The following TTC28 variants were observed in gnomAD, a reference collection of about 807,000 sequenced individuals.
TTC28 encodes tetratricopeptide repeat domain 28, also known as tetratricopeptide repeat protein 28.
Under a neutral mutation model 198.0 loss-of-function variants are expected in TTC28, and 61 were observed. That is an observed-to-expected ratio of 0.31 (90% confidence interval 0.25 to 0.38). TTC28 has a LOEUF of 0.38. Ranked by LOEUF, TTC28 falls within the 10% of genes least tolerant of loss-of-function variation. The pLI, the probability that TTC28 is intolerant of heterozygous loss-of-function variation, is 1.00. For missense variants in TTC28, 2,678 were observed against 3,164.0 expected (o/e 0.85, Z 3.69); for synonymous variants, 1,171 against 1,297.8 (o/e 0.90, Z 2.10).
intron 5 of TTC28, among the ~76,000 whole-genome samples, chr22:28,198,748 A>G (rs1487490000): frequency 6.6e-6 from 1 of 152,132 alleles, no homozygotes; most frequent in Non-Finnish European, 1.5e-5. Context: ...GAGCTCTGCC[A>G]TATTTATTTG....
chr22:28,604,451 T>C (rs928605940), intron 2 of TTC28, among the ~76,000 whole-genome samples: 1 of 151,348 alleles, frequency 6.6e-6, no homozygotes, highest in Non-Finnish European at 1.5e-5. Flanking sequence ...TTCATTAAGA[T>C]AGAAAATGCT....
intron 1 of TTC28, among the ~76,000 whole-genome samples, chr22:28,662,518 GAATTA>G (rs1184664651): frequency 8.5e-5 from 13 of 152,166 alleles, no homozygotes; most frequent in African/African-American, 3.1e-4. Context: ...AAAGTTGTGA[GAATTA>G]AATTAGTTAA....
intron 12 of TTC28, among the ~76,000 whole-genome samples, chr22:28,064,961 T>C (rs1203109883): frequency 6.6e-6 from 1 of 152,186 alleles, no homozygotes; most frequent in Non-Finnish European, 1.5e-5. Flanking sequence ...AAAATGCAAA[T>C]AGTTAATGAG....
rs1294380836 is a variant in TTC28, at chr22:28,243,140, C to A, written c.933+53058G>T. On this transcript the variant is annotated intron_variant, in intron 5 of 22. Coordinates refer to ENST00000397906, the MANE Select transcript of TTC28 (RefSeq NM_001145418.2). The stretch of plus-strand genomic sequence containing the variant: ...ATTGCTTGAGCCCAAGAGTTTGAGA[C>A]CAGCCTGGGCAACCTGGCAAAACCC... 4.7e-5 allele frequency among the ~76,000 whole-genome samples: 6 copies of A among 126,596 alleles called. No homozygotes were observed. In the South Asian group the frequency reaches 7.8e-4, roughly 17 times the overall value. 83.1% of individuals were successfully genotyped at this position (126,596 alleles called of 152,430 possible). A position where few individuals can be genotyped will look rare whatever the true frequency, so the allele number is the denominator to read the frequency against.
At chr22:28,069,663 T>C (rs1422309191) in intron 12 of TTC28, among the ~76,000 whole-genome samples, 1 of 152,216 alleles carries the variant, frequency 6.6e-6, no homozygotes, top group African/African-American at 2.4e-5. Flanking sequence ...TTCTCTTGCC[T>C]GTTTGACTCA....
chr22:28,477,879 G>A (rs963590232), intron 2 of TTC28, among the ~76,000 whole-genome samples: 5 of 152,104 alleles, frequency 3.3e-5, no homozygotes, highest in African/African-American at 9.7e-5. Flanking sequence ...AGACATGTGG[G>A]ACAAAATCAA....
chr22:28,341,980 TA>T (rs898956703), intron 2 of TTC28, among the ~76,000 whole-genome samples: 1 of 151,966 alleles, frequency 6.6e-6, no homozygotes, highest in Non-Finnish European at 1.5e-5. Flanking sequence ...TCCTGTCGCT[TA>T]AAAAAACAGA....
At chr22:28,184,992 T>C (rs1216269083) in intron 5 of TTC28, among the ~76,000 whole-genome samples, 1 of 152,144 alleles carries the variant, frequency 6.6e-6, no homozygotes, top group African/African-American at 2.4e-5. Flanking sequence ...ACTTAGCAGG[T>C]GCTCAGCAAA....
At chr22:28,402,770 C>T (rs1463124604) in intron 2 of TTC28, among the ~76,000 whole-genome samples, 1 of 152,172 alleles carries the variant, frequency 6.6e-6, no homozygotes, top group East Asian at 1.9e-4. Flanking sequence ...TGTAAAGCAG[C>T]GTAGGCTTTG....
At chr22:28,289,443 T>G (rs1177312783) in intron 5 of TTC28, among the ~76,000 whole-genome samples, 1 of 152,192 alleles carries the variant, frequency 6.6e-6, no homozygotes, top group Non-Finnish European at 1.5e-5. Context: ...AAAATTAATT[T>G]TGAAGCCATT....
At chr22:28,618,792 A>C (rs1048123934) in intron 2 of TTC28, among the ~76,000 whole-genome samples, 11 of 152,220 alleles carry the variant, frequency 7.2e-5, no homozygotes, top group African/African-American at 2.6e-4. Context: ...TTACCAGAGA[A>C]GACAGCAGCA....
intron 22 of TTC28, among the ~76,000 whole-genome samples, chr22:27,984,642 C>T (rs1473931854): frequency 6.6e-6 from 1 of 152,202 alleles, no homozygotes; most frequent in Non-Finnish European, 1.5e-5. Flanking sequence ...ATCCCCAAAC[C>T]GAATGTGTCC....
intron 6 of TTC28, among the ~76,000 whole-genome samples, chr22:28,125,844 C>T (rs1296621584): frequency 1.3e-5 from 2 of 152,066 alleles, no homozygotes; most frequent in African/African-American, 2.4e-5. Context: ...TTGCATAGCT[C>T]ATTACAAAAA....
At chr22:28,471,451 G>C (rs1369352420) in intron 2 of TTC28, among the ~76,000 whole-genome samples, 2 of 152,128 alleles carry the variant, frequency 1.3e-5, no homozygotes, top group African/African-American at 4.8e-5. Context: ...AGACCTAGGA[G>C]GGAAAAATGC....
intron 2 of TTC28, among the ~76,000 whole-genome samples, chr22:28,311,880 T>C (rs772728592): frequency 1.8e-4 from 28 of 152,028 alleles, no homozygotes; most frequent in Non-Finnish European, 3.8e-4. Flanking sequence ...GTACAATTGC[T>C]AAATGCCCCC....
chr22:28,198,440 T>A (rs1254768618), intron 5 of TTC28, among the ~76,000 whole-genome samples: 1 of 152,040 alleles, frequency 6.6e-6, no homozygotes. Flanking sequence ...TAGAAAAAAA[T>A]TATAAAAATG....
At chr22:28,169,684 C>T (rs567470664) in intron 5 of TTC28, among the ~76,000 whole-genome samples, 11 of 151,862 alleles carry the variant, frequency 7.2e-5, no homozygotes, top group South Asian at 2.1e-4. Context: ...TTGTGGGGAG[C>T]GGGGAGGGAT....
At chr22:28,500,568 G>A (rs994672289) in intron 2 of TTC28, among the ~76,000 whole-genome samples, 1 of 152,010 alleles carries the variant, frequency 6.6e-6, no homozygotes, top group African/African-American at 2.4e-5. Context: ...GTCTAATCTA[G>A]GTCTACTTTA....
chr22:28,070,549 A>G (rs1175309537), intron 12 of TTC28, among the ~76,000 whole-genome samples: 1 of 152,180 alleles, frequency 6.6e-6, no homozygotes, highest in Non-Finnish European at 1.5e-5. Flanking sequence ...TGGGAGGACA[A>G]GATGGGTGGA....
Sources: gnomAD v4.1 joint callset for allele counts (sites outside exome capture counted in the v4.1 genomes callset) on GRCh38, gnomAD v4.1.1 for gene constraint, MANE v1.5 for transcripts, NCBI Gene and HGNC (gene_info 2026-07-23, HGNC 2026-07-21) for gene names.